POFUT4: variants seen among roughly 807,000 people sequenced by gnomAD.
POFUT4 encodes GDP-fucose protein O-fucosyltransferase 4.
At chr10:73,777,324 A>G in the POFUT4 span, among the ~76,000 whole-genome samples, 1 of 152,194 alleles carries the variant, frequency 6.6e-6, no homozygotes, top group Middle Eastern at 3.4e-3. Flanking sequence ...AAAAAAAAAA[A>G]ATCCAGGAAA....
At chr10:73,775,752 A>C in the POFUT4 span, 1 of 1,502,838 alleles carries the variant, frequency 6.7e-7, no homozygotes, top group Non-Finnish European at 9.2e-7. Context: ...GGACATAAGG[A>C]GCATCCACTG....
At chr10:73,772,322 G>A in the POFUT4 span, 1 of 1,434,166 alleles carries the variant, frequency 7.0e-7, no homozygotes, top group Non-Finnish European at 9.1e-7. Context: ...GGCGCCGGCT[G>A]CCGGAGTGGA....
chr10:73,773,496 T>A, the POFUT4 span: 1 of 1,614,104 alleles, frequency 6.2e-7, no homozygotes, highest in Admixed American at 1.7e-5. Flanking sequence ...GTTTATTGAC[T>A]TTCTGGACAA....
At chr10:73,772,539 G>A in the POFUT4 span, 4 of 1,569,608 alleles carry the variant, frequency 2.5e-6, no homozygotes, top group Admixed American at 3.7e-5. Context: ...CGGCCAGGGA[G>A]GGAGGAGGCG....
chr10:73,776,523 A>G, the POFUT4 span, among the ~76,000 whole-genome samples: 3 of 152,230 alleles, frequency 2.0e-5, no homozygotes, highest in African/African-American at 7.2e-5. Flanking sequence ...TCTCTAAAAA[A>G]TAAAAGAATT....
At chr10:73,772,766 C>G in the POFUT4 span, 5 of 1,608,104 alleles carry the variant, frequency 3.1e-6, no homozygotes, top group Admixed American at 3.3e-5. Flanking sequence ...CTGGGCGCTC[C>G]TCCACGAGGA....
chr10:73,773,547 C>T, the POFUT4 span: 4 of 1,614,244 alleles, frequency 2.5e-6, no homozygotes, highest in Admixed American at 5.0e-5. Flanking sequence ...ATACAAGCAA[C>T]CTGGGGGCAT....
At chr10:73,773,109 A>G in the POFUT4 span, 1 of 369,932 alleles carries the variant, frequency 2.7e-6, no homozygotes. Context: ...CCAGGTGTCC[A>G]GGACTCCAGG....
the POFUT4 span, chr10:73,772,308 AG>A: frequency 2.1e-6 from 3 of 1,413,184 alleles, no homozygotes; most frequent in South Asian, 1.6e-5. Context: ...GTGCTGGCCG[AG>A]GGGGCGCCGG....
At chr10:73,773,210 C>T in the POFUT4 span, 1 of 1,611,768 alleles carries the variant, frequency 6.2e-7, no homozygotes, top group Non-Finnish European at 8.5e-7. Flanking sequence ...ACGGGAAATG[C>T]CTGCAGAATC....
the POFUT4 span, chr10:73,772,656 ACCG>A: frequency 6.4e-7 from 1 of 1,556,116 alleles, no homozygotes; most frequent in Admixed American, 1.9e-5. Flanking sequence ...GCGTCCCGGA[ACCG>A]CCGAGCGCTG....
chr10:73,775,838 T>A, the POFUT4 span: 1 of 783,192 alleles, frequency 1.3e-6, no homozygotes, highest in South Asian at 1.8e-5. Flanking sequence ...TTTATCTTAA[T>A]GATGAGTAGC....
the POFUT4 span, chr10:73,772,779 C>A: frequency 6.2e-7 from 1 of 1,609,978 alleles, no homozygotes; most frequent in South Asian, 1.1e-5. Context: ...CACGAGGAGT[C>A]GCCCCTCAAC....
At chr10:73,773,737 T>C in the POFUT4 span, 1 of 1,614,080 alleles carries the variant, frequency 6.2e-7, no homozygotes, top group Non-Finnish European at 8.5e-7. Flanking sequence ...GAGCCCCACA[T>C]TGCCCAGCCC....
chr10:73,777,858 C>T, the POFUT4 span, among the ~76,000 whole-genome samples: 3 of 140,824 alleles, frequency 2.1e-5, no homozygotes, highest in Non-Finnish European at 3.1e-5. Context: ...CCCAGGTGCC[C>T]CCACCTTTTT....
the POFUT4 span, chr10:73,779,863 T>TG: frequency 1.3e-5 from 2 of 152,394 alleles, no homozygotes; most frequent in African/African-American, 4.8e-5. Context: ...GAATGACTGT[T>TG]GCTGGAGCCT....
the POFUT4 span, chr10:73,772,333 C>T: frequency 6.9e-7 from 1 of 1,450,474 alleles, no homozygotes. Flanking sequence ...CCGGAGTGGA[C>T]ATGGCGGCCG....
At chr10:73,775,369 T>TGTCGCTTGG in the POFUT4 span, 1 of 1,530,858 alleles carries the variant, frequency 6.5e-7, no homozygotes, top group Non-Finnish European at 8.9e-7. Flanking sequence ...ACTTACTGCC[T>TGTCGCTTGG]GTCGCTTGGG....
the POFUT4 span, chr10:73,776,103 T>C: frequency 6.3e-6 from 1 of 158,848 alleles, no homozygotes; most frequent in Non-Finnish European, 1.4e-5. Context: ...CAATAATCTC[T>C]TTTTCTCATC....
Sources: allele counts gnomAD v4.1 joint callset (sites outside exome capture counted in the v4.1 genomes callset), GRCh38; gene constraint gnomAD v4.1.1; transcripts MANE v1.5; gene names NCBI Gene and HGNC (gene_info 2026-07-23, HGNC 2026-07-21).